STYX: variants seen among roughly 807,000 people sequenced by gnomAD.
STYX encodes the protein serine/threonine/tyrosine interacting protein, also known as serine/threonine/tyrosine-interacting protein.
Under a neutral mutation model 42.7 loss-of-function variants are expected in STYX, and 20 were observed. The observed-to-expected ratio is 0.47, with a 90% confidence interval of 0.33 to 0.68. The LOEUF (loss-of-function observed/expected upper bound fraction) is 0.68, where lower values mean the gene tolerates loss of function less well. Ranked by LOEUF, STYX falls within the 30% of genes least tolerant of loss-of-function variation. The pLI, the probability that STYX is intolerant of heterozygous loss-of-function variation, is 0.02. For synonymous variants in STYX, 78 were observed against 81.9 expected, an observed-to-expected ratio of 0.95 and a Z score of 0.26; for missense variants, 226 against 268.5, an observed-to-expected ratio of 0.84 and a Z score of 1.11.
intron 9 of STYX, among the ~76,000 whole-genome samples, chr14:52,766,456 A>G (rs1882304421): frequency 1.3e-5 from 2 of 151,946 alleles, no homozygotes; most frequent in South Asian, 4.1e-4. Flanking sequence ...ACGTGAGACC[A>G]CACACCTGGC....
chr14:52,763,431 C>T (rs959164964), intron 9 of STYX, among the ~76,000 whole-genome samples: 4 of 152,074 alleles, frequency 2.6e-5, no homozygotes, highest in Admixed American at 6.5e-5. Flanking sequence ...TTGTGAATTT[C>T]CTGAGTTGAA....
At position 52,772,020 on chromosome 14, in the gene STYX, T is replaced by C. The variant is rs981956721; in HGVS notation, c.*914T>C. On this transcript the variant is annotated 3_prime_UTR_variant, in exon 11 of 11. Coordinates refer to ENST00000354586, the MANE Select transcript of STYX (RefSeq NM_145251.4). The stretch of plus-strand genomic sequence containing the variant: ...ATAAACCAATGTAGCATTATTTTTT[T>C]CTAAATGAAGCCCCAAAAAAGAAAA... 1 of 152,496 alleles carries C rather than the reference T, an allele frequency of 6.6e-6. No homozygotes were observed. Among genetic ancestry groups the C allele is most frequent in the African/African-American group, 2.4e-5 (1 of 41,444 alleles). The allele number at this position is 152,496 out of a possible 1,614,324, so 9.4% of individuals were successfully genotyped here.
At chr14:52,750,656 C>A (rs1881575003) in intron 3 of STYX, 27 bp from the exon 4 acceptor site, 2 of 1,369,460 alleles carry the variant, frequency 1.5e-6, no homozygotes, top group Non-Finnish European at 2.0e-6. Flanking sequence ...TCTTCCCTGT[C>A]CTCCCCCTGC....
chr14:52,772,003 A>G lies in STYX; in HGVS notation c.*897A>G, dbSNP rs1023398528. ...ATTCTAAATAGAATCTAATAAACCA[A>G]TGTAGCATTATTTTTTTCTAAATGA... is the stretch of plus-strand genomic sequence containing the variant. On this transcript the variant is annotated 3_prime_UTR_variant, in exon 11 of 11. Transcript: ENST00000354586. 2.0e-4 allele frequency: 30 copies of G among 152,594 alleles called. No individual in the cohort carries two copies. The East Asian group carries it at 3.3e-3, about 17-fold the overall frequency. The allele number at this position is 152,594 out of a possible 1,614,324, so 9.5% of individuals were successfully genotyped here.
At chr14:52,739,318 G>GT (rs113362293) in intron 1 of STYX, among the ~76,000 whole-genome samples, 85 of 149,868 alleles carry the variant, frequency 5.7e-4, no homozygotes, top group African/African-American at 1.7e-3. Context: ...GTGTTGCCCT[G>GT]TTTTTTTTTC....
intron 4 of STYX, among the ~76,000 whole-genome samples, chr14:52,752,216 C>T (rs2139907099): frequency 6.6e-6 from 1 of 151,716 alleles, no homozygotes; most frequent in African/African-American, 2.4e-5. Context: ...CACCTATAAT[C>T]CCAGTACTTT....
chr14:52,757,634 A>T (rs893235876), intron 6 of STYX, 109 bp from the exon 7 acceptor site: 13 of 986,014 alleles, frequency 1.3e-5, no homozygotes, highest in Non-Finnish European at 1.9e-5. Flanking sequence ...AGATTTGAAG[A>T]TATCCAAGTG....
chr14:52,753,494 T>C (rs1010167918), intron 4 of STYX, among the ~76,000 whole-genome samples: 91 of 152,160 alleles, frequency 6.0e-4, no homozygotes, highest in Admixed American at 1.4e-3. Context: ...CCGAGGGACA[T>C]ATTTTTCATG....
intron 1 of STYX, among the ~76,000 whole-genome samples, chr14:52,731,898 T>G (rs2139871080): frequency 1.3e-5 from 2 of 151,716 alleles, no homozygotes; most frequent in Middle Eastern, 6.8e-3. Flanking sequence ...GCTCAAGCCA[T>G]CCTTTCACCT....
chr14:52,752,917 G>T (rs1594873923), intron 4 of STYX, among the ~76,000 whole-genome samples: 2 of 122,468 alleles, frequency 1.6e-5, no homozygotes, highest in African/African-American at 3.1e-5. Context: ...GTCTCACTCT[G>T]TCACCCAGGC....
chr14:52,757,993 T>A, intron 8 of STYX, 69 bp downstream of exon 8: 14 of 1,540,964 alleles, frequency 9.1e-6, no homozygotes, highest in Non-Finnish European at 1.2e-5. Flanking sequence ...TGGGAATAGT[T>A]TGGAAGTTTG....
At position 52,771,269 on chromosome 14, in the gene STYX, T is replaced by C. The variant is rs778154560; in HGVS notation, c.*163T>C. The C allele has an allele frequency of 2.3e-5, 14 of 598,228 alleles. No individual in the cohort carries two copies. Among genetic ancestry groups the C allele is most frequent in the Non-Finnish European group, 3.7e-5 (13 of 353,878 alleles). 37.1% of individuals were successfully genotyped at this position (598,228 alleles called of 1,614,324 possible). A position where few individuals can be genotyped will look rare whatever the true frequency, so the allele number is the denominator to read the frequency against. On this transcript the variant is annotated 3_prime_UTR_variant, in exon 11 of 11. Coordinates refer to ENST00000354586, the MANE Select transcript of STYX (RefSeq NM_145251.4). The stretch of plus-strand genomic sequence containing the variant: ...ACTTGTTGAGCAACATTTTAAGATG[T>C]TGGACTTCTGCAATAGATGACACTG...
chr14:52,758,490 A>G (rs1213072902), intron 8 of STYX, among the ~76,000 whole-genome samples: 1 of 152,136 alleles, frequency 6.6e-6, no homozygotes, highest in African/African-American at 2.4e-5. Context: ...ACATCTTTCT[A>G]TTTCAGTCCC....
chr14:52,743,353 G>A (rs1323422366), intron 1 of STYX, among the ~76,000 whole-genome samples: 2 of 151,790 alleles, frequency 1.3e-5, no homozygotes, highest in Non-Finnish European at 2.9e-5. Context: ...AGGCCGAGGC[G>A]GGCAGATCAC....
chr14:52,737,885 C>G (rs983937793), intron 1 of STYX, among the ~76,000 whole-genome samples: 1 of 152,172 alleles, frequency 6.6e-6, no homozygotes, highest in African/African-American at 2.4e-5. Context: ...ACGCCATTCT[C>G]CTGCCTCAGC....
At chr14:52,738,560 A>T (rs1161565097) in intron 1 of STYX, among the ~76,000 whole-genome samples, 1 of 152,206 alleles carries the variant, frequency 6.6e-6, no homozygotes, top group East Asian at 1.9e-4. Context: ...TTTTTGATAA[A>T]ATTGATACTT....
Position 52,768,911 on chromosome 14 carries a change from A to C in STYX, c.576A>C (p.Leu192Phe). 6.3e-7 allele frequency: 1 copy of C among 1,596,910 alleles called. No individual in the cohort carries two copies. Among genetic ancestry groups the C allele is most frequent in the South Asian group, 1.2e-5 (1 of 86,298 alleles). The change falls in exon 10 of 11, where the codon TTA (leucine) becomes TTC (phenylalanine). Residue 192 changes from leucine to phenylalanine, a missense_variant. Physicochemically the swap from Leu to Phe is conservative, Grantham distance 22. Transcript: ENST00000354586. Reference sequence around the variant, plus strand: ...CACCACTCCAGATAGAAAGGTCATTATCTGTTCATTCTGGTACCACAGGTA... The same window carrying C: ...CACCACTCCAGATAGAAAGGTCATTCTCTGTTCATTCTGGTACCACAGGTA... ...MMSPLQIERS[L>F]SVHSGTTGSL...
chr14:52,745,269 C>T (rs907478988), intron 2 of STYX, among the ~76,000 whole-genome samples: 13 of 151,998 alleles, frequency 8.6e-5, no homozygotes, highest in East Asian at 1.9e-4. Flanking sequence ...TACAGGCATG[C>T]GCCACCACAC....
rs1185171649 is a variant in STYX, at chr14:52,769,349, A to G, written c.598+416A>G. Reference sequence around the variant, plus strand: ...AAGTTAATCCAAGCATGCTCTTAAAATCTTCCTTTCCCAAGACCTTGCTAC... The same window carrying G: ...AAGTTAATCCAAGCATGCTCTTAAAGTCTTCCTTTCCCAAGACCTTGCTAC... On this transcript the variant is annotated intron_variant, in intron 10 of 10. Coordinates refer to ENST00000354586, the MANE Select transcript of STYX (RefSeq NM_145251.4). Among the ~76,000 whole-genome samples the G allele has an allele frequency of 2.0e-5, 3 of 152,038 alleles. No homozygotes were observed. The East Asian group carries it at 5.8e-4, about 29-fold the overall frequency.
Sources: gnomAD v4.1 joint callset for allele counts (sites outside exome capture counted in the v4.1 genomes callset) on GRCh38, gnomAD v4.1.1 for gene constraint, MANE v1.5 for transcripts, NCBI Gene and HGNC (gene_info 2026-07-23, HGNC 2026-07-21) for gene names.